The following GPHN variants were observed in gnomAD, a reference collection of about 807,000 sequenced individuals.
GPHN encodes gephyrin.
Under a neutral mutation model 95.5 loss-of-function variants are expected in GPHN, and 17 were observed. That is an observed-to-expected ratio of 0.18 (90% CI 0.12 to 0.27). The LOEUF is 0.27. Among genes scored for constraint, GPHN ranks in the 10% least tolerant of loss-of-function variants. The pLI, the probability that GPHN is intolerant of heterozygous loss-of-function variation, is 1.00. For synonymous variants in GPHN, 320 were observed against 322.5 expected (o/e 0.99, Z 0.08); for missense variants, 660 against 978.1 (o/e 0.67, Z 4.34).
intron 17 of GPHN, among the ~76,000 whole-genome samples, chr14:67,140,906 G>A (rs1918483): frequency 6.6e-6 from 1 of 151,764 alleles, no homozygotes; most frequent in African/African-American, 2.4e-5. Flanking sequence ...TCAAAAATAC[G>A]TTAAGTACAA....
At chr14:66,668,876 G>GT (rs1246575934) in intron 1 of GPHN, among the ~76,000 whole-genome samples, 2,403 of 139,126 alleles carry the variant, frequency 0.017, 31 homozygotes, top group African/African-American at 0.032. Context: ...CTTTCCTGCT[G>GT]TTTTTTTTTT....
chr14:67,365,215 T>G, the GPHN span, among the ~76,000 whole-genome samples: 16 of 152,340 alleles, frequency 1.1e-4, no homozygotes, highest in African/African-American at 3.8e-4. Flanking sequence ...CATCCTAGGA[T>G]TTTATGGATC....
intron 5 of GPHN, among the ~76,000 whole-genome samples, chr14:66,892,805 A>G (rs1384569374): frequency 6.6e-6 from 1 of 152,160 alleles, no homozygotes; most frequent in African/African-American, 2.4e-5. Flanking sequence ...AGTTCTGGAG[A>G]TGGACAGTGG....
At chr14:67,213,371 G>A in the GPHN span, among the ~76,000 whole-genome samples, 3 of 128,184 alleles carry the variant, frequency 2.3e-5, no homozygotes, top group South Asian at 5.2e-4. Flanking sequence ...GTGTCCATGT[G>A]TTCTCATTGT....
chr14:67,564,452 C>A, the GPHN span, among the ~76,000 whole-genome samples: 1 of 152,030 alleles, frequency 6.6e-6, no homozygotes, highest in Non-Finnish European at 1.5e-5. Context: ...GCGATGGGCA[C>A]GTGAGATCAT....
chr14:67,393,106 G>A, the GPHN span: 2 of 1,398,196 alleles, frequency 1.4e-6, no homozygotes, highest in South Asian at 1.2e-5. Flanking sequence ...GCATCACCAT[G>A]TCCCAGCTTG....
chr14:66,836,479 C>G (rs2061820845), intron 4 of GPHN, among the ~76,000 whole-genome samples: 1 of 144,010 alleles, frequency 6.9e-6, no homozygotes, highest in Admixed American at 6.9e-5. Context: ...AGACCTAAAA[C>G]CATAAAAACC....
chr14:67,023,566 T>A, intron 9 of GPHN, 67 bp from the exon 10 acceptor site: 1 of 1,262,136 alleles, frequency 7.9e-7, no homozygotes, highest in South Asian at 1.2e-5. Context: ...AGCTTGCCCA[T>A]TAAATATGCA....
chr14:67,315,373 C>T, the GPHN span, among the ~76,000 whole-genome samples: 1 of 148,530 alleles, frequency 6.7e-6, no homozygotes. Context: ...GCCTCCCGGG[C>T]TCATGCCCTT....
chr14:66,603,087 T>C (rs1488064136), intron 1 of GPHN, among the ~76,000 whole-genome samples: 29 of 151,920 alleles, frequency 1.9e-4, no homozygotes. Context: ...GAAAAAATTG[T>C]ATTCTTAAAC....
At chr14:66,834,753 A>G (rs1192579070) in intron 4 of GPHN, among the ~76,000 whole-genome samples, 1 of 150,942 alleles carries the variant, frequency 6.6e-6, no homozygotes, top group Non-Finnish European at 1.5e-5. Context: ...TTGGTATCAG[A>G]ATGATGCTGG....
At chr14:67,293,005 T>C in the GPHN span, among the ~76,000 whole-genome samples, 1 of 152,158 alleles carries the variant, frequency 6.6e-6, no homozygotes, top group Non-Finnish European at 1.5e-5. Context: ...AATTTGTTAA[T>C]GTTTTTAGTA....
intron 4 of GPHN, among the ~76,000 whole-genome samples, chr14:66,871,227 A>G (rs1339092652): frequency 2.6e-5 from 4 of 152,240 alleles, no homozygotes; most frequent in African/African-American, 9.6e-5. Flanking sequence ...ATTTAAATGG[A>G]TAAATGTTGT....
chr14:67,335,493 A>AAAT, the GPHN span: 1 of 152,638 alleles, frequency 6.6e-6, no homozygotes, highest in South Asian at 2.1e-4. Flanking sequence ...TTTGTTTCTC[A>AAAT]AATTTTCGTT....
At chr14:66,709,150 C>T (rs1486780354) in intron 2 of GPHN, among the ~76,000 whole-genome samples, 1 of 152,052 alleles carries the variant, frequency 6.6e-6, no homozygotes, top group Non-Finnish European at 1.5e-5. Flanking sequence ...CTGATGACCA[C>T]GTTTTTGTTA....
the GPHN span, among the ~76,000 whole-genome samples, chr14:67,501,768 A>C: frequency 1.3e-5 from 2 of 152,188 alleles, no homozygotes; most frequent in African/African-American, 4.8e-5. Context: ...AATTCTAAAG[A>C]TTTTTTAAAA....
rs1239563923 is a variant in GPHN at position 66,508,495 on chromosome 14, G to C, written c.-33G>C. 6.2e-7 allele frequency: 1 copy of C among 1,608,594 alleles called. No individual in the cohort carries two copies. Among genetic ancestry groups the C allele is most frequent in the East Asian group, 2.2e-5 (1 of 44,828 alleles). ...GCGCTCCGGGCTCCGGTTTCTCCCG[G>C]CTCCTGTCAGTGCGGTGACTGCGCT... On this transcript the variant is annotated 5_prime_UTR_variant, in exon 1 of 23. Transcript: ENST00000478722.
the GPHN span, chr14:67,678,512 T>G: frequency 1.2e-6 from 1 of 800,044 alleles, no homozygotes; most frequent in Non-Finnish European, 2.1e-6. Flanking sequence ...TAAAAACAAC[T>G]AGGGATCACA....
the GPHN span, among the ~76,000 whole-genome samples, chr14:67,396,968 T>G: frequency 1.3e-5 from 2 of 151,094 alleles, no homozygotes; most frequent in Non-Finnish European, 2.9e-5. Flanking sequence ...TTGAGGAGTC[T>G]CATTCTGTCA....
Sources: gnomAD v4.1 joint callset for allele counts (sites outside exome capture counted in the v4.1 genomes callset) on GRCh38, gnomAD v4.1.1 for gene constraint, MANE v1.5 for transcripts, NCBI Gene and HGNC (gene_info 2026-07-23, HGNC 2026-07-21) for gene names.